DIS3L2: variants seen among roughly 807,000 people sequenced by gnomAD.
The protein encoded by DIS3L2 is DIS3-like exonuclease 2.
In DIS3L2, 34 loss-of-function variants were observed where a neutral mutation model predicts 97.5. That is an observed-to-expected ratio of 0.35 (90% CI 0.27 to 0.46). The LOEUF (loss-of-function observed/expected upper bound fraction) is 0.46. Ranked by LOEUF, DIS3L2 falls within the 20% of genes least tolerant of loss-of-function variation. DIS3L2 has a pLI of 1.00. For missense variants in DIS3L2, 1,038 were observed against 1,146.0 expected, an observed-to-expected ratio of 0.91 and a Z score of 1.36; for synonymous variants, 435 against 445.2, an observed-to-expected ratio of 0.98 and a Z score of 0.29.
rs748516703 is a variant in DIS3L2, at chr2:232,336,834, A to G, written c.*204A>G. On this transcript the variant is annotated 3_prime_UTR_variant, in exon 21 of 21. Coordinates refer to ENST00000325385, the MANE Select transcript of DIS3L2 (RefSeq NM_152383.5). ...CTGGAAGGAAGGCTGAGGCCTGGTC[A>G]GCAGTGACCCCAGCAGAGCAGGCCC... is the stretch of plus-strand genomic sequence containing the variant. 14 of 1,405,502 alleles carry G rather than the reference A, an allele frequency of 1.0e-5. No individual in the cohort carries two copies. Among genetic ancestry groups the G allele is most frequent in the Non-Finnish European group, 1.3e-5 (14 of 1,084,006 alleles). The allele number at this position is 1,405,502 out of a possible 1,614,324, so 87.1% of individuals were successfully genotyped here.
chr2:232,078,348 G>A (rs1391592232), intron 5 of DIS3L2, among the ~76,000 whole-genome samples: 3 of 152,052 alleles, frequency 2.0e-5, no homozygotes, highest in Non-Finnish European at 2.9e-5. Context: ...CCAGCCTAGA[G>A]TATTTTCTAT....
At chr2:232,191,187 C>A (rs999728530) in intron 9 of DIS3L2, among the ~76,000 whole-genome samples, 2 of 152,130 alleles carry the variant, frequency 1.3e-5, no homozygotes, top group African/African-American at 4.8e-5. Flanking sequence ...AAGCAGGGTC[C>A]TGAAGATATT....
intron 1 of DIS3L2, among the ~76,000 whole-genome samples, chr2:232,000,789 A>G (rs144317300): frequency 9.2e-4 from 114 of 123,350 alleles, no homozygotes; most frequent in African/African-American, 3.4e-3. Context: ...CTGGTCTCAA[A>G]CTCCTGAGCT....
In DIS3L2 at chr2:232,099,180, A is replaced by G. The variant is rs142221416; in HGVS notation, c.601+11459A>G. Among the ~76,000 whole-genome samples, 14 of 151,254 alleles carry G rather than the reference A, an allele frequency of 9.3e-5. No homozygotes were observed. In the East Asian group the frequency reaches 2.3e-3, roughly 25 times the overall value. Reference sequence around the variant, plus strand: ...TATGTCATTATTTTAAAAATACATGATTGGATTCACTTAGGTAATATTAGG... The same window carrying G: ...TATGTCATTATTTTAAAAATACATGGTTGGATTCACTTAGGTAATATTAGG... On this transcript the variant is annotated intron_variant, in intron 6 of 20. Transcript: ENST00000325385.
At chr2:232,051,984 A>G (rs1042250106) in intron 5 of DIS3L2, among the ~76,000 whole-genome samples, 1 of 151,684 alleles carries the variant, frequency 6.6e-6, no homozygotes, top group African/African-American at 2.4e-5. Flanking sequence ...ATGTTTCTTC[A>G]TTAATGTTTA....
downstream of DIS3L2, among the ~76,000 whole-genome samples, chr2:232,337,644 G>A (rs1275711439): frequency 1.3e-5 from 2 of 152,050 alleles, no homozygotes; most frequent in Admixed American, 6.5e-5. Flanking sequence ...TGGCGTCCCC[G>A]AGAGCTGCCA....
Position 232,334,735 on chromosome 2 carries a change from C to T in DIS3L2, c.2394C>T (p.Asn798=), listed in dbSNP as rs773602107. The change falls in exon 19 of 21, where the codon AAC becomes AAT. Residue 798 remains asparagine, a splice_region_variant and synonymous_variant. Coordinates refer to ENST00000325385, the MANE Select transcript of DIS3L2 (RefSeq NM_152383.5). ...GCGTGCAGAAGCGCATCTACTGCAA[C>T]GTGAGTGCCCTGGGAGAGCCCGGGG... The part of the protein sequence containing the change: ...RYGVQKRIYC[N]ALALRSHHFQ... The T allele has an allele frequency of 2.7e-5, 44 of 1,602,124 alleles. No homozygotes were observed. The highest frequency in any genetic ancestry group is 1.9e-4 in the South Asian group (17 of 89,404).
chr2:232,165,452 G>C (rs1165638361), intron 9 of DIS3L2, among the ~76,000 whole-genome samples: 1 of 152,176 alleles, frequency 6.6e-6, no homozygotes, highest in Admixed American at 6.5e-5. Flanking sequence ...ATGGAGAGTG[G>C]ATTCAGTGGA....
At position 232,174,483 on chromosome 2, in the gene DIS3L2, G is replaced by A. The variant is rs186054699; in HGVS notation, c.1124+10851G>A. On this transcript the variant is annotated intron_variant, in intron 9 of 20. Transcript: ENST00000325385. ...TGCCTGTAATCCCAGCTACTCAGGA[G>A]GCTGAGGCAGGAGAATCGCTTGAAC... 1.8e-3 allele frequency among the ~76,000 whole-genome samples: 271 copies of A among 151,422 alleles called. 1 individual carries two copies. The highest frequency in any genetic ancestry group is 6.5e-3 in the African/African-American group (266 of 41,214).
intron 1 of DIS3L2, among the ~76,000 whole-genome samples, chr2:231,962,117 T>C (rs528994931): frequency 6.6e-6 from 1 of 152,252 alleles, no homozygotes; most frequent in African/African-American, 2.4e-5. Flanking sequence ...TCGGGTCACC[T>C]GTGGACGCGT....
intron 5 of DIS3L2, among the ~76,000 whole-genome samples, chr2:232,080,301 C>G (rs1696349980): frequency 6.6e-6 from 1 of 152,014 alleles, no homozygotes; most frequent in African/African-American, 2.4e-5. Flanking sequence ...ATCAAGGGTT[C>G]TCTTGTTTGA....
rs756110332 is a variant in DIS3L2 at position 232,334,038 on chromosome 2, C to T, written c.2158+51C>T. On this transcript the variant is annotated intron_variant, in intron 17 of 20. Transcript: ENST00000325385. ...CAGACCTGGGCCAGCTCAGGGCTGC[C>T]CACCCCCACAGTGGGTGCTCAGTGG... is the stretch of plus-strand genomic sequence containing the variant. 4 of 1,565,408 alleles carry T rather than the reference C, an allele frequency of 2.6e-6. No individual in the cohort carries two copies. In the Admixed American group the frequency reaches 5.5e-5, roughly 21 times the overall value.
At position 232,220,164 on chromosome 2, in the gene DIS3L2, C is replaced by T. The variant is rs556362905; in HGVS notation, c.1204+9759C>T. Among the ~76,000 whole-genome samples the T allele has an allele frequency of 2.0e-5, 3 of 149,886 alleles. No individual in the cohort carries two copies. In the East Asian group the frequency reaches 5.9e-4, roughly 29 times the overall value. ...ATAAATAAATAAATAAATAAATAAG[C>T]TGGGCATAGTGATGTGCGTCTGTAG... On this transcript the variant is annotated intron_variant, in intron 10 of 20. Coordinates refer to ENST00000325385, the MANE Select transcript of DIS3L2 (RefSeq NM_152383.5).
chr2:232,324,123 T>C (rs1695511624), intron 14 of DIS3L2, among the ~76,000 whole-genome samples: 1 of 152,116 alleles, frequency 6.6e-6, no homozygotes, highest in Non-Finnish European at 1.5e-5. Flanking sequence ...CTGCACCCCA[T>C]GGGTTGCCCA....
chr2:232,210,108 A>AGTAG (rs1177670581), intron 9 of DIS3L2, among the ~76,000 whole-genome samples: 2 of 152,190 alleles, frequency 1.3e-5, no homozygotes, highest in Non-Finnish European at 2.9e-5. Context: ...GTGAAGGAGA[A>AGTAG]GTAGGTGCCA....
intron 5 of DIS3L2, among the ~76,000 whole-genome samples, chr2:232,055,197 T>C (rs1695513301): frequency 6.6e-6 from 1 of 152,236 alleles, no homozygotes; most frequent in Non-Finnish European, 1.5e-5. Context: ...GGATGCTCAC[T>C]ATCATTACTT....
At chr2:232,073,710 T>G (rs933873696) in intron 5 of DIS3L2, among the ~76,000 whole-genome samples, 1 of 152,170 alleles carries the variant, frequency 6.6e-6, no homozygotes, top group Non-Finnish European at 1.5e-5. Flanking sequence ...AGGATTCCAT[T>G]AGAATTTTTT....
chr2:232,181,356 G>C (rs181995783), intron 9 of DIS3L2, among the ~76,000 whole-genome samples: 2,303 of 152,174 alleles, frequency 0.015, 22 homozygotes, highest in Non-Finnish European at 0.017. Context: ...TGAATGTTGG[G>C]CTGCCTTGCT....
chr2:232,023,166 A>G (rs1233431049), intron 3 of DIS3L2: 5 of 152,216 alleles, frequency 3.3e-5, no homozygotes, highest in African/African-American at 1.2e-4. Flanking sequence ...CCTTTAAAAT[A>G]GGGATTGAGC....
Sources: allele counts gnomAD v4.1 joint callset (sites outside exome capture counted in the v4.1 genomes callset), GRCh38; gene constraint gnomAD v4.1.1; transcripts MANE v1.5; gene names NCBI Gene and HGNC (gene_info 2026-07-23, HGNC 2026-07-21).